The following CASP10 variants were observed in gnomAD, a reference collection of about 807,000 sequenced individuals.
CASP10 encodes caspase 10.
CASP10 carries 41 observed loss-of-function variants against 48.5 expected under a neutral mutation model. The observed-to-expected ratio is 0.85, with a 90% CI of 0.66 to 1.10. The LOEUF (loss-of-function observed/expected upper bound fraction) is 1.10. Ranked by LOEUF, CASP10 falls within the 50% of genes least tolerant of loss-of-function variation. CASP10 has a pLI of 0.00. For missense variants in CASP10, 614 were observed against 614.5 expected (o/e 1.00, Z 0.01); for synonymous variants, 232 against 238.4 (o/e 0.97, Z 0.25).
At chr2:201,222,220 C>CTTTTT (rs11392581), downstream of CASP10, among the ~76,000 whole-genome samples, 1 of 136,656 alleles carries the variant, frequency 7.3e-6, no homozygotes, top group Non-Finnish European at 1.6e-5. Context: ...TTTATTCATT[C>CTTTTT]TTTTTTTTTT....
At chr2:201,196,029 A>G in intron 5 of CASP10, 81 bp downstream of exon 5, 1 of 934,244 alleles carries the variant, frequency 1.1e-6, no homozygotes. Flanking sequence ...CCAAAAAAGA[A>G]AAAGAGAGAG....
At chr2:201,199,766 C>A (rs1277311726) in intron 5 of CASP10, among the ~76,000 whole-genome samples, 1 of 151,666 alleles carries the variant, frequency 6.6e-6, no homozygotes, top group Non-Finnish European at 1.5e-5. Context: ...GTAGAGATGG[C>A]ATTTCACCAT....
At chr2:201,227,534 T>G (rs1945803545) in intron 9 of CASP10, among the ~76,000 whole-genome samples, 1 of 152,146 alleles carries the variant, frequency 6.6e-6, no homozygotes, top group African/African-American at 2.4e-5. Context: ...CCAAACAGTT[T>G]CTTTTTTTAA....
At chr2:201,215,149 C>T (rs1014241173) in intron 9 of CASP10, among the ~76,000 whole-genome samples, 6 of 146,250 alleles carry the variant, frequency 4.1e-5, no homozygotes, top group Non-Finnish European at 8.9e-5. Flanking sequence ...TAAATATTAA[C>T]TCCTTGTGAG....
intron 3 of CASP10, among the ~76,000 whole-genome samples, chr2:201,191,636 A>AG (rs1297391169): frequency 6.6e-6 from 1 of 152,226 alleles, no homozygotes; most frequent in East Asian, 1.9e-4. Flanking sequence ...CCATTGGAAA[A>AG]GGGCCTGAAC....
At chr2:201,201,846 A>C (rs1945030589) in intron 5 of CASP10, among the ~76,000 whole-genome samples, 1 of 152,136 alleles carries the variant, frequency 6.6e-6, no homozygotes, top group African/African-American at 2.4e-5. Context: ...AATTGGGCTC[A>C]ATGAGAAGGA....
intron 9 of CASP10, among the ~76,000 whole-genome samples, chr2:201,228,141 G>A (rs1169539894): frequency 6.6e-6 from 1 of 152,158 alleles, no homozygotes; most frequent in Non-Finnish European, 1.5e-5. Flanking sequence ...TATGAGACCA[G>A]CCTGGCCAAC....
rs1433012194 is a variant in CASP10, at chr2:201,219,247, GCAA to G, written c.*1509_*1511del. Reference sequence around the variant, plus strand: ...ATGACACAACTGCACTCCAGCTTGGGCAACAGGGCGAGACCTTGTTTAAAAAAA... The same window carrying G: ...ATGACACAACTGCACTCCAGCTTGGGCAGGGCGAGACCTTGTTTAAAAAAA... On this transcript the variant is annotated 3_prime_UTR_variant, in exon 10 of 10. Coordinates refer to ENST00000286186, the MANE Select transcript of CASP10 (RefSeq NM_032977.4). 4.9e-6 allele frequency: 1 copy of G among 205,844 alleles called. No individual in the cohort carries two copies. Among genetic ancestry groups the G allele is most frequent in the Non-Finnish European group, 8.5e-6 (1 of 117,218 alleles). 12.8% of individuals were successfully genotyped at this position (205,844 alleles called of 1,614,324 possible). A position where few individuals can be genotyped will look rare whatever the true frequency, so the allele number is the denominator to read the frequency against.
chr2:201,192,439 T>G (rs1944643195), intron 3 of CASP10, among the ~76,000 whole-genome samples: 1 of 151,518 alleles, frequency 6.6e-6, no homozygotes, highest in Admixed American at 6.6e-5. Flanking sequence ...GAATTGTGAT[T>G]TTTTGTTTCA....
chr2:201,209,241 A>G lies in CASP10; in HGVS notation c.1094A>G (p.Tyr365Cys). The G allele has an allele frequency of 6.2e-7, 1 of 1,613,624 alleles. No homozygotes were observed. The highest frequency in any genetic ancestry group is 8.5e-7 in the Non-Finnish European group (1 of 1,179,894). ...ACCCATGGGAGATTTGGAGCTGTCT[A>G]CTCTTCGGATGAGGCCCTCATTCCC... The part of the protein sequence containing the change: ...ILTHGRFGAV[Y>C]SSDEALIPIR... The change falls in exon 9 of 10, where the codon TAC becomes TGC. Residue 365 changes from tyrosine to cysteine, a missense_variant. Transcript: ENST00000286186.
chr2:201,206,316 C>A, intron 7 of CASP10: 1 of 196,662 alleles, frequency 5.1e-6, no homozygotes, highest in Non-Finnish European at 1.1e-5. Context: ...AGATGTACCA[C>A]GATTTCAAGG....
At chr2:201,227,103 A>G (rs1169205663) in intron 9 of CASP10, among the ~76,000 whole-genome samples, 1 of 152,110 alleles carries the variant, frequency 6.6e-6, no homozygotes. Flanking sequence ...GGAACATGCC[A>G]ATGGGGAGGA....
intron 4 of CASP10, among the ~76,000 whole-genome samples, chr2:201,194,367 G>A (rs2126019805): frequency 6.6e-6 from 1 of 152,250 alleles, no homozygotes; most frequent in Non-Finnish European, 1.5e-5. Context: ...TTTCTTGGTT[G>A]AAAATGAAAC....
intron 4 of CASP10, among the ~76,000 whole-genome samples, chr2:201,193,920 C>T (rs1032956414): frequency 2.6e-5 from 4 of 151,994 alleles, no homozygotes; most frequent in African/African-American, 9.7e-5. Context: ...AATAATTGTA[C>T]CTACCTCCTA....
At chr2:201,194,736 G>T (rs1294871808) in intron 4 of CASP10, among the ~76,000 whole-genome samples, 1 of 152,160 alleles carries the variant, frequency 6.6e-6, no homozygotes, top group Non-Finnish European at 1.5e-5. Flanking sequence ...CTATGTAGTT[G>T]ATTACATTTG....
At chr2:201,203,999 G>A (rs1283319925) in intron 6 of CASP10, among the ~76,000 whole-genome samples, 1 of 152,194 alleles carries the variant, frequency 6.6e-6, no homozygotes, top group Non-Finnish European at 1.5e-5. Flanking sequence ...TAGTATAGCA[G>A]ATTCTAGGGA....
downstream of CASP10, among the ~76,000 whole-genome samples, chr2:201,225,981 A>C (rs2126068734): frequency 6.6e-6 from 1 of 152,264 alleles, no homozygotes; most frequent in East Asian, 1.9e-4. Context: ...AAAAACAAAA[A>C]CAAAACCTGA....
Position 201,207,949 on chromosome 2 carries a change from T to G in CASP10, c.814-126T>G. The G allele has an allele frequency of 2.2e-5, 16 of 725,086 alleles. No individual in the cohort carries two copies. In the South Asian group the frequency reaches 2.2e-4, roughly 10 times the overall value. 44.9% of individuals were successfully genotyped at this position (725,086 alleles called of 1,614,324 possible). A position where few individuals can be genotyped will look rare whatever the true frequency, so the allele number is the denominator to read the frequency against. ...TAACAACAACAACAAAAACATGGTT[T>G]AAACAACTGGCATGGGGAGATACAT... On this transcript the variant is annotated intron_variant, in intron 7 of 9. Coordinates refer to ENST00000286186, the MANE Select transcript of CASP10 (RefSeq NM_032977.4).
intron 5 of CASP10, chr2:201,200,878 C>T (rs534398445): frequency 3.9e-4 from 169 of 428,138 alleles, no homozygotes; most frequent in Non-Finnish European, 4.3e-4. Context: ...CCTAGAAAAG[C>T]GCCTAGATAT....
Sources: gnomAD v4.1 joint callset for allele counts (sites outside exome capture counted in the v4.1 genomes callset) on GRCh38, gnomAD v4.1.1 for gene constraint, MANE v1.5 for transcripts, NCBI Gene and HGNC (gene_info 2026-07-23, HGNC 2026-07-21) for gene names.